Variants in LETM1 observed in about 807,000 individuals in gnomAD.
LETM1 encodes mitochondrial proton/calcium exchanger protein.
LETM1 carries 50 observed loss-of-function variants against 74.5 expected under a neutral mutation model. The observed-to-expected ratio is 0.67, with a 90% CI of 0.53 to 0.85. LETM1 has a LOEUF of 0.85. LETM1 is among the 40% of genes least tolerant of loss of function. The pLI is 0.00. For missense variants in LETM1, 824 were observed against 967.8 expected (o/e 0.85, Z 1.97); for synonymous variants, 446 against 407.1 (o/e 1.10, Z -1.15).
At chr4:1,849,294 TC>T (rs1404701063) in intron 1 of LETM1, 85 bp from the exon 2 acceptor site, 4 of 975,360 alleles carry the variant, frequency 4.1e-6, no homozygotes, top group Non-Finnish European at 6.5e-6. Flanking sequence ...TTTTGGAGTT[TC>T]GCTCTTGCGC....
intron 3 of LETM1, among the ~76,000 whole-genome samples, chr4:1,840,410 G>A (rs1431920648): frequency 6.6e-6 from 1 of 151,172 alleles, no homozygotes; most frequent in Non-Finnish European, 1.5e-5. Flanking sequence ...GTTCACGCCT[G>A]TAATCCCAGC....
At chr4:1,828,712 G>A (rs1712124580) in intron 6 of LETM1, among the ~76,000 whole-genome samples, 1 of 136,928 alleles carries the variant, frequency 7.3e-6, no homozygotes, top group South Asian at 2.3e-4. Context: ...TCCCGGATGG[G>A]GCGGCTGGCC....
At chr4:1,828,696 C>T (rs1342726897) in intron 6 of LETM1, among the ~76,000 whole-genome samples, 2 of 138,376 alleles carry the variant, frequency 1.4e-5, no homozygotes, top group East Asian at 2.3e-4. Context: ...GACCCCCCAA[C>T]CTCCCTCCCG....
chr4:1,841,852 G>A (rs1712712397), intron 2 of LETM1, 55 bp from the exon 3 acceptor site: 2 of 1,324,700 alleles, frequency 1.5e-6, no homozygotes, highest in African/African-American at 1.5e-5. Context: ...GCCTTTGACA[G>A]CTCAGCACCG....
intron 3 of LETM1, chr4:1,839,461 G>A: frequency 6.6e-6 from 1 of 152,354 alleles, no homozygotes; most frequent in East Asian, 1.9e-4. Flanking sequence ...ATCGAGAGTG[G>A]GTGGAGCTGT....
At position 1,821,465 on chromosome 4, in the gene LETM1, G is replaced by A. The variant is rs576072670; in HGVS notation, c.1608+716C>T. Reference sequence around the variant, plus strand: ...GCACTTTGGGAGGCTGAGGCGGGAAGATCACTTGAGGTCAGGGGTTTGAGA... The same window carrying A: ...GCACTTTGGGAGGCTGAGGCGGGAAAATCACTTGAGGTCAGGGGTTTGAGA... On this transcript the variant is annotated intron_variant, in intron 10 of 13. Transcript: ENST00000302787. 1.2e-4 allele frequency among the ~76,000 whole-genome samples: 18 copies of A among 151,614 alleles called. No individual in the cohort carries two copies. The East Asian group carries it at 3.7e-3, about 31-fold the overall frequency.
intron 1 of LETM1, among the ~76,000 whole-genome samples, chr4:1,852,260 A>C (rs1713093634): frequency 6.6e-6 from 1 of 152,258 alleles, no homozygotes; most frequent in Admixed American, 6.5e-5. Flanking sequence ...AGAATGACTC[A>C]GATGTCAGCA....
intron 2 of LETM1, 108 bp from the exon 3 acceptor site, chr4:1,841,905 T>C (rs1712715253): frequency 3.8e-6 from 3 of 795,444 alleles, no homozygotes; most frequent in Non-Finnish European, 6.2e-6. Flanking sequence ...TGCCATGCCA[T>C]GTCACAACCA....
chr4:1,822,062 CCT>C (rs1030492865), intron 10 of LETM1, 117 bp downstream of exon 10: 242 of 1,050,946 alleles, frequency 2.3e-4, no homozygotes, highest in Admixed American at 1.2e-3. Flanking sequence ...TGCACCATCT[CCT>C]CTCACTGAGG....
At position 1,856,053 on chromosome 4, in the gene LETM1, GGACGGCTGACAGA is replaced by G; in HGVS notation, c.-116_-104del. 1 of 695,388 alleles carries G rather than the reference GGACGGCTGACAGA, an allele frequency of 1.4e-6. No individual in the cohort carries two copies. Among genetic ancestry groups the G allele is most frequent in the Non-Finnish European group, 2.0e-6 (1 of 510,830 alleles). 43.1% of individuals were successfully genotyped at this position (695,388 alleles called of 1,614,324 possible). On this transcript the variant is annotated 5_prime_UTR_variant, in exon 1 of 14. Transcript: ENST00000302787. The stretch of plus-strand genomic sequence containing the variant: ...GCGGCGCTTCAGACCCGGCCCGCGC[GGACGGCTGACAGA>G]GGCGGCTGGCCTCGGACGGGAGGCG...
chr4:1,856,052 C>A lies in LETM1; in HGVS notation c.-102G>T. ...GGCGGCGCTTCAGACCCGGCCCGCG[C>A]GGACGGCTGACAGAGGCGGCTGGCC... On this transcript the variant is annotated 5_prime_UTR_variant, in exon 1 of 14. Transcript: ENST00000302787. 1 of 698,438 alleles carries A rather than the reference C, an allele frequency of 1.4e-6. No homozygotes were observed. The highest frequency in any genetic ancestry group is 1.9e-6 in the Non-Finnish European group (1 of 513,696). The allele number at this position is 698,438 out of a possible 1,614,324, so 43.3% of individuals were successfully genotyped here. A position where few individuals can be genotyped will look rare whatever the true frequency, so the allele number is the denominator to read the frequency against.
intron 10 of LETM1, among the ~76,000 whole-genome samples, chr4:1,821,837 T>C (rs1448785729): frequency 1.3e-5 from 2 of 152,132 alleles, no homozygotes; most frequent in Admixed American, 6.5e-5. Context: ...AGGGGCCACA[T>C]TGGCTTCCAC....
intron 6 of LETM1, among the ~76,000 whole-genome samples, chr4:1,831,892 C>T (rs1475982469): frequency 6.6e-6 from 1 of 152,184 alleles, no homozygotes; most frequent in Non-Finnish European, 1.5e-5. Context: ...GGCCTACGGA[C>T]CACCCAGTTA....
At chr4:1,823,901 G>T in intron 7 of LETM1, 126 bp from the exon 8 acceptor site, 1 of 1,105,478 alleles carries the variant, frequency 9.0e-7, no homozygotes, top group Non-Finnish European at 1.3e-6. Context: ...TACAAGGTCT[G>T]TTTGTTGCTG....
At chr4:1,835,966 T>C (rs111780701) in intron 4 of LETM1, among the ~76,000 whole-genome samples, 16 of 152,184 alleles carry the variant, frequency 1.1e-4, no homozygotes, top group African/African-American at 3.6e-4. Context: ...GTCCCAGCTA[T>C]TCGGGAGCTA....
chr4:1,814,712 C>T (rs1711507240), intron 13 of LETM1, 139 bp from the exon 14 acceptor site: 3 of 685,710 alleles, frequency 4.4e-6, no homozygotes, highest in Non-Finnish European at 7.7e-6. Context: ...GCCCCAGGGT[C>T]CTCAGAGCAC....
At chr4:1,827,755 C>T (rs1268356973) in intron 6 of LETM1, among the ~76,000 whole-genome samples, 2 of 148,794 alleles carry the variant, frequency 1.3e-5, no homozygotes, top group Non-Finnish European at 3.0e-5. Context: ...CCTTTCTATT[C>T]CACAAAGCCG....
chr4:1,819,490 A>T lies in LETM1; in HGVS notation c.1609-18T>A. On this transcript the variant is annotated intron_variant, in intron 10 of 13. Transcript: ENST00000302787. ...TCTTCCTCCTGGGATAAAAATGGGC[A>T]AACAACAAAGCCTGAGCCAAGGGAA... is the stretch of plus-strand genomic sequence containing the variant. 6.2e-7 allele frequency: 1 copy of T among 1,607,794 alleles called. No individual in the cohort carries two copies. The highest frequency in any genetic ancestry group is 8.5e-7 in the Non-Finnish European group (1 of 1,176,938).
At chr4:1,839,699 A>G (rs533845544) in intron 3 of LETM1, among the ~76,000 whole-genome samples, 2 of 152,186 alleles carry the variant, frequency 1.3e-5, no homozygotes, top group South Asian at 2.1e-4. Context: ...GCAGGTCACT[A>G]ATCTTCCCAA....
Sources: gnomAD v4.1 joint callset for allele counts (sites outside exome capture counted in the v4.1 genomes callset) on GRCh38, gnomAD v4.1.1 for gene constraint, MANE v1.5 for transcripts, NCBI Gene and HGNC (gene_info 2026-07-23, HGNC 2026-07-21) for gene names.